PRELID2: variants seen among roughly 807,000 people sequenced by gnomAD.
PRELID2 encodes the protein PRELI domain containing 2.
A neutral mutation model predicts 28.4 loss-of-function variants in PRELID2; 25 were observed. The ratio of observed to expected loss-of-function variants is 0.88; its 90% confidence interval spans 0.64 to 1.23. The LOEUF is 1.23. Ranked by LOEUF, PRELID2 falls within the 50% of genes most tolerant of loss-of-function variation. The pLI is 0.00. For missense variants in PRELID2, 201 were observed against 214.4 expected, an observed-to-expected ratio of 0.94 and a Z score of 0.39; for synonymous variants, 76 against 71.6, an observed-to-expected ratio of 1.06 and a Z score of -0.31.
intron 1 of PRELID2, among the ~76,000 whole-genome samples, chr5:145,688,858 G>C (rs1367235084): frequency 6.6e-6 from 1 of 152,144 alleles, no homozygotes; most frequent in African/African-American, 2.4e-5. Flanking sequence ...TGATCTTCAG[G>C]CTTCATTGGA....
In PRELID2 at chr5:145,645,829, T is replaced by G. The variant is rs550696320; in HGVS notation, n.70+119102A>C. The stretch of plus-strand genomic sequence containing the variant: ...TGGATATGAAATTCTGGGTTGAAAA[T>G]TCTTTTCTTTAAGAATGTTGAATAT... On this transcript the variant is annotated intron_variant and non_coding_transcript_variant, in intron 1 of 2. Coordinates refer to the PRELID2 transcript ENST00000510259. Among the ~76,000 whole-genome samples, 113 of 152,296 alleles carry G rather than the reference T, an allele frequency of 7.4e-4. 2 individuals are homozygous for G. The highest frequency in any genetic ancestry group is 2.7e-3 in the African/African-American group (112 of 41,576).
At chr5:145,663,888 T>C (rs1395197514) in intron 1 of PRELID2, among the ~76,000 whole-genome samples, 1 of 152,140 alleles carries the variant, frequency 6.6e-6, no homozygotes, top group East Asian at 1.9e-4. Context: ...TCATTATTTT[T>C]AGAGATTTTT....
intron 2 of PRELID2, 105 bp from the exon 3 acceptor site, chr5:145,820,123 G>GT (rs74273635): frequency 0.062 from 16,196 of 260,858 alleles, 59 homozygotes; most frequent in Non-Finnish European, 0.089. Flanking sequence ...TTTGTTTTTT[G>GT]TTTTTTTTTT....
the PRELID2 span, among the ~76,000 whole-genome samples, chr5:145,455,572 A>G: frequency 6.6e-6 from 1 of 152,206 alleles, no homozygotes; most frequent in African/African-American, 2.4e-5. Context: ...CTTCCTATCC[A>G]TGAGCATGAA....
chr5:145,789,000 G>A (rs190495939), intron 5 of PRELID2, among the ~76,000 whole-genome samples: 21 of 152,086 alleles, frequency 1.4e-4, no homozygotes, highest in Non-Finnish European at 2.5e-4. Context: ...CAAAACTGAA[G>A]ACACAAATAA....
At chr5:145,762,887 T>A (rs2149766609) in intron 6 of PRELID2, among the ~76,000 whole-genome samples, 1 of 152,338 alleles carries the variant, frequency 6.6e-6, no homozygotes, top group Middle Eastern at 3.4e-3. Context: ...GCATTTCATC[T>A]GTCTCCACCC....
the PRELID2 span, among the ~76,000 whole-genome samples, chr5:145,316,814 A>G: frequency 6.6e-6 from 1 of 152,336 alleles, no homozygotes. Context: ...AGTTCTGCAA[A>G]AGCCACCAAC....
chr5:145,795,313 A>T (rs1185245609), intron 5 of PRELID2: 1 of 152,180 alleles, frequency 6.6e-6, no homozygotes, highest in African/African-American at 2.4e-5. Context: ...CGGAAGTTCA[A>T]CTACTCCCTT....
the PRELID2 span, among the ~76,000 whole-genome samples, chr5:145,279,453 C>T: frequency 2.6e-5 from 4 of 152,256 alleles, no homozygotes; most frequent in South Asian, 8.3e-4. Flanking sequence ...AGCTTCTTAA[C>T]CTGCATAGGC....
intron 1 of PRELID2, among the ~76,000 whole-genome samples, chr5:145,586,173 C>T (rs1299196970): frequency 6.6e-6 from 1 of 152,068 alleles, no homozygotes. Context: ...ACAGTGCTCA[C>T]CCTGTGTCCT....
At chr5:145,378,340 G>A in the PRELID2 span, among the ~76,000 whole-genome samples, 4 of 152,116 alleles carry the variant, frequency 2.6e-5, no homozygotes, top group African/African-American at 9.7e-5. Context: ...TCTCTATCTA[G>A]GTTGGGGAAT....
At chr5:145,558,977 G>A (rs1257113587) in intron 1 of PRELID2, among the ~76,000 whole-genome samples, 6 of 152,138 alleles carry the variant, frequency 3.9e-5, no homozygotes, top group East Asian at 1.9e-4. Context: ...TTTTGGGGCC[G>A]GGCACAGTGG....
At chr5:145,695,310 G>A (rs1004489892) in intron 1 of PRELID2, among the ~76,000 whole-genome samples, 3 of 152,134 alleles carry the variant, frequency 2.0e-5, no homozygotes, top group South Asian at 2.1e-4. Context: ...AGCAAAGAAC[G>A]TGCGCAAAAG....
At chr5:145,254,556 C>T in the PRELID2 span, among the ~76,000 whole-genome samples, 1 of 152,008 alleles carries the variant, frequency 6.6e-6, no homozygotes, top group African/African-American at 2.4e-5. Context: ...CTGTTTAATT[C>T]TGAGGGCAAA....
At chr5:145,357,138 T>A in the PRELID2 span, among the ~76,000 whole-genome samples, 2 of 152,178 alleles carry the variant, frequency 1.3e-5, no homozygotes, top group Non-Finnish European at 2.9e-5. Context: ...CCTTTGTAGG[T>A]GACCTGCCCC....
intron 1 of PRELID2, among the ~76,000 whole-genome samples, chr5:145,637,913 C>A (rs1462449894): frequency 6.6e-6 from 1 of 150,932 alleles, no homozygotes; most frequent in Non-Finnish European, 1.5e-5. Flanking sequence ...TGGGTTCAAG[C>A]GATTCTCCTG....
chr5:145,291,634 C>T, the PRELID2 span, among the ~76,000 whole-genome samples: 1 of 151,990 alleles, frequency 6.6e-6, no homozygotes. Flanking sequence ...TTCAAATTAC[C>T]ATTGTTTTAT....
At chr5:145,625,479 A>G (rs998069540) in intron 1 of PRELID2, among the ~76,000 whole-genome samples, 1 of 152,188 alleles carries the variant, frequency 6.6e-6, no homozygotes, top group Non-Finnish European at 1.5e-5. Context: ...CACAGACAGT[A>G]TATGCTAACA....
chr5:145,253,276 G>T, the PRELID2 span, among the ~76,000 whole-genome samples: 1 of 152,094 alleles, frequency 6.6e-6, no homozygotes, highest in Non-Finnish European at 1.5e-5. Flanking sequence ...TACTTAAAAG[G>T]TGCTACCATA....
Sources: allele counts gnomAD v4.1 joint callset (sites outside exome capture counted in the v4.1 genomes callset), GRCh38; gene constraint gnomAD v4.1.1; transcripts MANE v1.5; gene names NCBI Gene and HGNC (gene_info 2026-07-23, HGNC 2026-07-21).